Variants in ANKRD12 observed in about 807,000 individuals in gnomAD.
ANKRD12 encodes the protein ankyrin repeat domain 12.
Under a neutral mutation model 183.4 loss-of-function variants are expected in ANKRD12, and 85 were observed. That is an observed-to-expected ratio of 0.46 (90% CI 0.39 to 0.56). The LOEUF is 0.56. Ranked by LOEUF, ANKRD12 falls within the 20% of genes least tolerant of loss-of-function variation. The probability of loss-of-function intolerance (pLI) is 0.00; values close to 1 mark genes in which losing one functional copy is unlikely to be tolerated. For synonymous variants in ANKRD12, 914 were observed against 800.2 expected, an observed-to-expected ratio of 1.14 and a Z score of -2.40; for missense variants, 2,405 against 2,357.1, an observed-to-expected ratio of 1.02 and a Z score of -0.42.
intron 2 of ANKRD12, among the ~76,000 whole-genome samples, chr18:9,190,756 A>G (rs1230300082): frequency 6.6e-6 from 1 of 152,228 alleles, no homozygotes; most frequent in Non-Finnish European, 1.5e-5. Flanking sequence ...ATTTTAGTAT[A>G]TTTAGTACTT....
Position 9,208,807 on chromosome 18 carries a change from A to C in ANKRD12, c.451+4A>C, listed in dbSNP as rs767910209. On this transcript the variant is annotated splice_donor_region_variant and intron_variant, in intron 5 of 12. Coordinates refer to ENST00000262126, the MANE Select transcript of ANKRD12 (RefSeq NM_015208.5). ...ACAGCAAGAGACAACAGTCCAGGTG[A>C]TACCTACCATCATTGAGTTAATGTG... 6.5e-7 allele frequency: 1 copy of C among 1,547,758 alleles called. No individual in the cohort carries two copies. The highest frequency in any genetic ancestry group is 1.9e-5 in the Admixed American group (1 of 52,580).
intron 8 of ANKRD12, among the ~76,000 whole-genome samples, chr18:9,243,474 T>C (rs1435471053): frequency 2.6e-5 from 4 of 152,174 alleles, no homozygotes; most frequent in South Asian, 2.1e-4. Context: ...AGGGACAGCA[T>C]GAACAAACAC....
Position 9,258,434 on chromosome 18 carries a change from G to A in ANKRD12, c.5167G>A (p.Glu1723Lys), listed in dbSNP as rs754926334. Residue 1723 changes from glutamate to lysine, a missense_variant, in exon 9 of 13, where the codon GAA (glutamate) becomes AAA (lysine). Glu to Lys is a moderately conservative substitution (Grantham distance 56). Around this residue, in one of 7 missense-constraint regions of ANKRD12, gnomAD observed 1,983 missense variants for 1,725.9 expected, o/e 1.15. Coordinates refer to ENST00000262126, the MANE Select transcript of ANKRD12 (RefSeq NM_015208.5). ...TAAAGTAGAATTAGAAGAAAATGCC[G>A]AAGATGATAAAACTGAAAACCAAAT... ...LVKVELEENA[E>K]DDKTENQIPQ... The A allele has an allele frequency of 3.1e-6, 5 of 1,613,686 alleles. No homozygotes were observed. Among genetic ancestry groups the A allele is most frequent in the East Asian group, 4.5e-5 (2 of 44,860 alleles).
chr18:9,138,241 G>A (rs2078192612), intron 1 of ANKRD12, among the ~76,000 whole-genome samples: 1 of 152,220 alleles, frequency 6.6e-6, no homozygotes, highest in African/African-American at 2.4e-5. Context: ...AGCCGGGCGC[G>A]GTGGCTCATG....
At position 9,281,283 on chromosome 18, in the gene ANKRD12, A is replaced by C. The variant is rs2040097267; in HGVS notation, c.*157A>C. ...AGTAAACACTGTCATTTTATAAAAA[A>C]TGAGAATTATTTTGGATCTTAGATC... is the stretch of plus-strand genomic sequence containing the variant. On this transcript the variant is annotated 3_prime_UTR_variant, in exon 13 of 13. Transcript: ENST00000262126. 3.7e-6 allele frequency: 2 copies of C among 547,610 alleles called. No individual in the cohort carries two copies. The highest frequency in any genetic ancestry group is 6.2e-6 in the Non-Finnish European group (2 of 324,696). The allele number at this position is 547,610 out of a possible 1,614,324, so 33.9% of individuals were successfully genotyped here.
intron 7 of ANKRD12, 91 bp from the exon 8 acceptor site, chr18:9,221,757 ACACT>A: frequency 7.9e-7 from 1 of 1,260,074 alleles, no homozygotes; most frequent in Non-Finnish European, 1.1e-6. Context: ...AAATGAGGTA[ACACT>A]CAGAAGGATA....
chr18:9,153,356 C>A (rs924740964), intron 1 of ANKRD12, among the ~76,000 whole-genome samples: 2 of 152,176 alleles, frequency 1.3e-5, no homozygotes, highest in African/African-American at 4.8e-5. Flanking sequence ...GTTTTCTTAT[C>A]TCTGATGTTA....
chr18:9,267,086 A>C (rs997773348), intron 10 of ANKRD12, among the ~76,000 whole-genome samples: 1 of 152,204 alleles, frequency 6.6e-6, no homozygotes, highest in African/African-American at 2.4e-5. Context: ...ATATATATGC[A>C]CCCAATACAG....
In ANKRD12 at chr18:9,275,466, G is replaced by A. The variant is rs2039786533; in HGVS notation, c.5764-58G>A. Reference sequence around the variant, plus strand: ...CCAGCCTAGGCGAGAGAGTAAGACTGTTCTTAAACAAAAATTTGTTGAAGA... The same window carrying A: ...CCAGCCTAGGCGAGAGAGTAAGACTATTCTTAAACAAAAATTTGTTGAAGA... On this transcript the variant is annotated intron_variant, in intron 10 of 12. Transcript: ENST00000262126. 2.3e-5 allele frequency: 35 copies of A among 1,538,974 alleles called. 2 individuals are homozygous for A. The South Asian group carries it at 2.9e-4, about 13-fold the overall frequency.
intron 5 of ANKRD12, among the ~76,000 whole-genome samples, chr18:9,210,195 A>G (rs2035713705): frequency 1.3e-5 from 2 of 152,144 alleles, no homozygotes; most frequent in Non-Finnish European, 2.9e-5. Context: ...TTCATTAGAT[A>G]AGTCTTTAGA....
intron 9 of ANKRD12, 76 bp from the exon 10 acceptor site, chr18:9,263,714 G>T (rs1209703543): frequency 2.7e-6 from 3 of 1,123,090 alleles, no homozygotes; most frequent in Admixed American, 6.5e-5. Flanking sequence ...GCACTAAAAG[G>T]GTTTAATTTT....
chr18:9,140,982 TAAATA>T (rs1408064135), intron 1 of ANKRD12, among the ~76,000 whole-genome samples: 1 of 152,202 alleles, frequency 6.6e-6, no homozygotes, highest in African/African-American at 2.4e-5. Context: ...TTTTACATAC[TAAATA>T]ATAGATTTCA....
At chr18:9,160,954 A>G (rs941388945) in intron 1 of ANKRD12, among the ~76,000 whole-genome samples, 1 of 152,160 alleles carries the variant, frequency 6.6e-6, no homozygotes, top group Non-Finnish European at 1.5e-5. Context: ...GTCAGTATTC[A>G]TCCATCACTC....
chr18:9,256,302 C>T lies in ANKRD12; in HGVS notation c.3035C>T (p.Pro1012Leu). 1 of 1,598,324 alleles carries T rather than the reference C, an allele frequency of 6.3e-7. No individual in the cohort carries two copies. The highest frequency in any genetic ancestry group is 1.1e-5 in the South Asian group (1 of 87,518). ...EKTKDEPLKT[P>L]DGKEKDKKDK... ...ACAAAAGATGAACCTTTGAAAACTC[C>T]AGATGGAAAAGAAAAAGATAAAAAA... Residue 1012 changes from proline to leucine, a missense_variant, in exon 9 of 13, where the codon CCA becomes CTA. By Grantham distance (98) the Pro-to-Leu change is moderately conservative (BLOSUM62 -3). This residue lies in a region of ANKRD12 where 1,983 missense variants were observed against 1,725.9 expected (regional missense o/e 1.15). Coordinates refer to ENST00000262126, the MANE Select transcript of ANKRD12 (RefSeq NM_015208.5).
At chr18:9,153,680 T>C in intron 1 of ANKRD12, among the ~76,000 whole-genome samples, 1 of 152,200 alleles carries the variant, frequency 6.6e-6, no homozygotes, top group East Asian at 1.9e-4. Flanking sequence ...TTATTGGTCA[T>C]TTTTTTCAAG....
chr18:9,167,067 T>C (rs2032151576), intron 1 of ANKRD12, among the ~76,000 whole-genome samples: 1 of 151,980 alleles, frequency 6.6e-6, no homozygotes, highest in African/African-American at 2.4e-5. Context: ...TTCTGTTCCA[T>C]TGGTCTATAT....
rs571364406 is a variant in ANKRD12 at position 9,162,289 on chromosome 18, CAT to C, written c.-51-20092_-51-20091del. Among the ~76,000 whole-genome samples, 1,030 of 146,024 alleles carry C rather than the reference CAT, an allele frequency of 7.1e-3. 11 individuals are homozygous for C. The highest frequency in any genetic ancestry group is 0.024 in the African/African-American group (952 of 39,508). ...TTGAGCTCACACTTATAAGTGAGAA[CAT>C]GTGGTGTTTGGTTTTCTTTTCCTGT... On this transcript the variant is annotated intron_variant, in intron 1 of 12. Coordinates refer to ENST00000262126, the MANE Select transcript of ANKRD12 (RefSeq NM_015208.5).
chr18:9,167,035 G>A (rs1473602128), intron 1 of ANKRD12, among the ~76,000 whole-genome samples: 3 of 152,008 alleles, frequency 2.0e-5, no homozygotes, highest in South Asian at 2.1e-4. Flanking sequence ...GTAAATATGC[G>A]GCATTATTTC....
chr18:9,191,180 C>CT (rs2034432877), intron 2 of ANKRD12, among the ~76,000 whole-genome samples: 1 of 152,150 alleles, frequency 6.6e-6, no homozygotes, highest in Non-Finnish European at 1.5e-5. Flanking sequence ...ATGAAAAAGA[C>CT]TCTAGAAATA....
Sources: gnomAD v4.1 joint callset for allele counts (sites outside exome capture counted in the v4.1 genomes callset) on GRCh38, gnomAD v4.1.1 for gene constraint, gnomAD v4.1.1 regional missense constraint, MANE v1.5 for transcripts, NCBI Gene and HGNC (gene_info 2026-07-23, HGNC 2026-07-21) for gene names.